The following CACNG2 variants were observed in gnomAD, a reference collection of about 807,000 sequenced individuals.
The protein encoded by CACNG2 is voltage-dependent calcium channel gamma-2 subunit.
In CACNG2, 3 loss-of-function variants were observed where a neutral mutation model predicts 25.9. The ratio of observed to expected loss-of-function variants is 0.12; its 90% confidence interval spans 0.05 to 0.30. The LOEUF (loss-of-function observed/expected upper bound fraction) is 0.30. Among genes scored for constraint, CACNG2 ranks in the 10% least tolerant of loss-of-function variants. CACNG2 has a pLI of 1.00. For synonymous variants in CACNG2, 167 were observed against 173.3 expected, an observed-to-expected ratio of 0.96 and a Z score of 0.29; for missense variants, 341 against 432.5, an observed-to-expected ratio of 0.79 and a Z score of 1.88.
In CACNG2 at chr22:36,703,384, T is replaced by G. The variant is rs1474325589; in HGVS notation, c.-808A>C. 1 of 152,892 alleles carries G rather than the reference T, an allele frequency of 6.5e-6. No homozygotes were observed. The highest frequency in any genetic ancestry group is 2.4e-5 in the African/African-American group (1 of 41,300). The allele number at this position is 152,892 out of a possible 1,614,324, so 9.5% of individuals were successfully genotyped here. ...GAGAGAGGGGGTTTCTCCTGGAGAA[T>G]CGAGGCGGATTTCCCTCCCCCTATC... is the stretch of plus-strand genomic sequence containing the variant. On this transcript the variant is annotated 5_prime_UTR_variant, in exon 1 of 4. Coordinates refer to ENST00000300105, the MANE Select transcript of CACNG2 (RefSeq NM_006078.5).
chr22:36,621,420 A>T (rs1398447969), intron 1 of CACNG2, among the ~76,000 whole-genome samples: 1 of 152,118 alleles, frequency 6.6e-6, no homozygotes, highest in Non-Finnish European at 1.5e-5. Context: ...AAATACAAAA[A>T]TTAGCCAGGC....
intron 1 of CACNG2, among the ~76,000 whole-genome samples, chr22:36,600,851 A>T (rs976776670): frequency 2.0e-5 from 3 of 152,080 alleles, no homozygotes; most frequent in Admixed American, 2.0e-4. Flanking sequence ...CCGGCCTAAA[A>T]TTTTTTTTAA....
intron 3 of CACNG2, among the ~76,000 whole-genome samples, chr22:36,565,839 T>C (rs934570122): frequency 2.0e-5 from 3 of 152,200 alleles, no homozygotes; most frequent in Admixed American, 6.5e-5. Flanking sequence ...CAGGTTCTTT[T>C]TCTGGCATCT....
intron 1 of CACNG2, among the ~76,000 whole-genome samples, chr22:36,587,811 C>T (rs959602622): frequency 5.9e-5 from 9 of 152,330 alleles, no homozygotes; most frequent in South Asian, 4.1e-4. Flanking sequence ...TGAGGATTAG[C>T]GGAGGCTTGG....
At chr22:36,673,053 C>T (rs1042749204) in intron 1 of CACNG2, among the ~76,000 whole-genome samples, 4 of 152,172 alleles carry the variant, frequency 2.6e-5, no homozygotes, top group African/African-American at 9.7e-5. Flanking sequence ...AGGCAAAACC[C>T]TGTCTCTACA....
chr22:36,642,775 A>G (rs1033016950), intron 1 of CACNG2, among the ~76,000 whole-genome samples: 1 of 152,244 alleles, frequency 6.6e-6, no homozygotes, highest in Non-Finnish European at 1.5e-5. Context: ...TTGTGTAATC[A>G]TGGATAATTA....
intron 1 of CACNG2, among the ~76,000 whole-genome samples, chr22:36,680,623 CACCACCACTAACACCACCATCAT>C: frequency 7.1e-6 from 1 of 140,988 alleles, no homozygotes; most frequent in African/African-American, 2.7e-5. Flanking sequence ...CTACCACCAT[CACCACCACTAACACCACCATCAT>C]TATCACCACC....
intron 1 of CACNG2, among the ~76,000 whole-genome samples, chr22:36,616,477 A>C (rs775807669): frequency 1.3e-5 from 2 of 152,172 alleles, no homozygotes; most frequent in Non-Finnish European, 2.9e-5. Flanking sequence ...CCTGTCTCCA[A>C]TTGTTCCCAT....
chr22:36,605,427 A>G (rs1935816297), intron 1 of CACNG2, among the ~76,000 whole-genome samples: 1 of 152,190 alleles, frequency 6.6e-6, no homozygotes, highest in African/African-American at 2.4e-5. Flanking sequence ...GTGACTCACT[A>G]TGTTATGATA....
At chr22:36,680,258 A>G (rs1460420647) in intron 1 of CACNG2, among the ~76,000 whole-genome samples, 3 of 88,756 alleles carry the variant, frequency 3.4e-5, no homozygotes, top group African/African-American at 1.5e-4. Flanking sequence ...ACCATCATCA[A>G]CACCACCACC....
intron 1 of CACNG2, among the ~76,000 whole-genome samples, chr22:36,642,691 G>A (rs573502921): frequency 6.6e-6 from 1 of 152,196 alleles, no homozygotes; most frequent in East Asian, 1.9e-4. Context: ...TTAGACAACA[G>A]GGGAAAGACA....
chr22:36,572,467 C>T (rs533401766), intron 2 of CACNG2, among the ~76,000 whole-genome samples: 2 of 152,168 alleles, frequency 1.3e-5, no homozygotes, highest in East Asian at 1.9e-4. Flanking sequence ...TTTGGGAGGC[C>T]GAGGGGGCTG....
intron 1 of CACNG2, among the ~76,000 whole-genome samples, chr22:36,635,021 C>A (rs534614243): frequency 5.3e-5 from 8 of 152,240 alleles, no homozygotes; most frequent in Middle Eastern, 6.8e-3. Context: ...CAGTGGCTCA[C>A]GCCTGTAATC....
At chr22:36,611,370 T>A (rs1935936353) in intron 1 of CACNG2, among the ~76,000 whole-genome samples, 1 of 152,152 alleles carries the variant, frequency 6.6e-6, no homozygotes, top group Non-Finnish European at 1.5e-5. Flanking sequence ...ACCTGACCTA[T>A]TTGAGACTCA....
intron 1 of CACNG2, among the ~76,000 whole-genome samples, chr22:36,664,827 A>T (rs1361702870): frequency 6.6e-6 from 1 of 152,202 alleles, no homozygotes; most frequent in Non-Finnish European, 1.5e-5. Context: ...CAAAATTAAG[A>T]GAGGAATTTC....
intron 1 of CACNG2, among the ~76,000 whole-genome samples, chr22:36,615,894 G>T (rs1181282644): frequency 6.6e-6 from 1 of 152,226 alleles, no homozygotes; most frequent in African/African-American, 2.4e-5. Flanking sequence ...CAGATGTACT[G>T]CATGTCAAGG....
At chr22:36,594,760 T>A (rs1324935066) in intron 1 of CACNG2, among the ~76,000 whole-genome samples, 1 of 151,106 alleles carries the variant, frequency 6.6e-6, no homozygotes, top group African/African-American at 2.4e-5. Flanking sequence ...TGCGTATGTG[T>A]GTGCGTGCAT....
chr22:36,587,993 GC>G (rs1935531794), intron 1 of CACNG2, among the ~76,000 whole-genome samples: 1 of 152,238 alleles, frequency 6.6e-6, no homozygotes, highest in Non-Finnish European at 1.5e-5. Flanking sequence ...GCTGCCAGAT[GC>G]TGCCACAGCC....
intron 1 of CACNG2, among the ~76,000 whole-genome samples, chr22:36,698,062 A>T (rs1384120484): frequency 6.6e-6 from 1 of 152,022 alleles, no homozygotes; most frequent in Non-Finnish European, 1.5e-5. Flanking sequence ...TGGATTCATG[A>T]CTCATTATTA....
Sources: gnomAD v4.1 joint callset for allele counts (sites outside exome capture counted in the v4.1 genomes callset) on GRCh38, gnomAD v4.1.1 for gene constraint, MANE v1.5 for transcripts, NCBI Gene and HGNC (gene_info 2026-07-23, HGNC 2026-07-21) for gene names.